Variants in DNAH1 observed in about 807,000 individuals in gnomAD.
DNAH1 encodes the protein axonemal beta dynein heavy chain 1.
In DNAH1, 327 loss-of-function variants were observed where a neutral mutation model predicts 484.3. The observed-to-expected ratio is 0.68, with a 90% CI of 0.62 to 0.74. The LOEUF is 0.74. Ranked by LOEUF, DNAH1 falls within the 30% of genes least tolerant of loss-of-function variation. The pLI, the probability that DNAH1 is intolerant of heterozygous loss-of-function variation, is 0.00. For synonymous variants in DNAH1, 2,192 were observed against 2,191.9 expected, an observed-to-expected ratio of 1.00 and a Z score of 0.00; for missense variants, 5,052 against 5,546.8, an observed-to-expected ratio of 0.91 and a Z score of 2.83.
intron 5 of DNAH1, 138 bp downstream of exon 5, chr3:52,327,029 T>G: frequency 8.3e-7 from 1 of 1,200,022 alleles, no homozygotes; most frequent in Non-Finnish European, 1.1e-6. Context: ...AGGTCAACAA[T>G]AGGAACCCAT....
At position 52,332,108 on chromosome 3, in the gene DNAH1, G is replaced by A. The variant is rs539785816; in HGVS notation, c.1034-34G>A. 4.0e-5 allele frequency: 61 copies of A among 1,539,124 alleles called. 2 individuals are homozygous for A. In the South Asian group the frequency reaches 6.8e-4, roughly 17 times the overall value. ...GTGTTTCAGCCCAGAAAGCCTGATT[G>A]TGTGTCCCCTTCTCCCTCTCACCCG... On this transcript the variant is annotated intron_variant, in intron 7 of 77. Transcript: ENST00000420323.
intron 36 of DNAH1, 143 bp downstream of exon 36, chr3:52,367,030 T>TATTCTCCATA (rs1703111791): frequency 2.0e-6 from 2 of 1,023,912 alleles, no homozygotes; most frequent in Non-Finnish European, 1.4e-6. Flanking sequence ...TCCATTCTAC[T>TATTCTCCATA]TCCTCGCTGA....
Position 52,368,909 on chromosome 3 carries a change from G to A in DNAH1, c.5934G>A (p.Lys1978=), listed in dbSNP as rs754402167. The change falls in exon 37 of 78, where the codon AAG becomes AAA. Residue 1978 remains lysine, a synonymous_variant. Coordinates refer to ENST00000420323, the MANE Select transcript of DNAH1 (RefSeq NM_015512.5). This position sits in a 1 kb window ranked among gnomAD's most constrained non-coding sequence, Gnocchi z 4.4. The stretch of plus-strand genomic sequence containing the variant: ...GCCTCAGCTCTGGGGAGATCATCAA[G>A]CTCACAGAGGTGCACCTACCTGTCC... ...KLCLSSGEII[K]LTEAMTMMFE... is the part of the protein sequence containing the mutation. 6.2e-7 allele frequency: 1 copy of A among 1,613,434 alleles called. No homozygotes were observed. The highest frequency in any genetic ancestry group is 2.2e-5 in the East Asian group (1 of 44,856).
chr3:52,350,956 C>G (rs1350370225), intron 16 of DNAH1, among the ~76,000 whole-genome samples: 1 of 152,224 alleles, frequency 6.6e-6, no homozygotes, highest in Non-Finnish European at 1.5e-5. Flanking sequence ...TCAAGTGATT[C>G]TCCCTGCCTC....
intron 41 of DNAH1, among the ~76,000 whole-genome samples, chr3:52,371,234 CAGCT>C (rs1287668887): frequency 5.3e-5 from 8 of 152,250 alleles, no homozygotes; most frequent in Non-Finnish European, 1.5e-5. Context: ...TCGCTACTAT[CAGCT>C]AGCAAGGGCT....
intron 3 of DNAH1, among the ~76,000 whole-genome samples, chr3:52,324,679 C>T (rs1487347370): frequency 6.6e-6 from 1 of 152,188 alleles, no homozygotes; most frequent in Non-Finnish European, 1.5e-5. Context: ...GCGCACTTAT[C>T]TGAGGGTCTG....
intron 65 of DNAH1, 87 bp from the exon 66 acceptor site, chr3:52,393,247 C>T: frequency 1.9e-6 from 3 of 1,582,982 alleles, no homozygotes; most frequent in Non-Finnish European, 1.7e-6. Context: ...CCTACGGCTG[C>T]TGGGGAGACT....
intron 73 of DNAH1, among the ~76,000 whole-genome samples, chr3:52,397,257 G>C (rs903191383): frequency 9.2e-5 from 14 of 152,136 alleles, no homozygotes; most frequent in African/African-American, 3.1e-4. Flanking sequence ...TGAACTCCTG[G>C]TCAGCCACTC....
chr3:52,397,011 C>T lies in DNAH1; in HGVS notation c.11754C>T (p.Ile3918=), dbSNP rs771334165. 42 of 1,610,196 alleles carry T rather than the reference C, an allele frequency of 2.6e-5. No individual in the cohort carries two copies. Among genetic ancestry groups the T allele is most frequent in the Non-Finnish European group, 3.6e-5 (42 of 1,178,370 alleles). The change falls in exon 73 of 78, where the codon ATC becomes ATT. Residue 3918 remains isoleucine (I), a synonymous_variant. Coordinates refer to ENST00000420323, the MANE Select transcript of DNAH1 (RefSeq NM_015512.5). ...AGCACAGCTACAGCGCCTCGGGCAT[C>T]TACCACCAGATCCCGCCTACCTACG... ...SPEHSYSASG[I]YHQIPPTYDL... is the part of the protein sequence containing the mutation.
In DNAH1 at chr3:52,392,506, G is replaced by A. The variant is rs754341070; in HGVS notation, c.10095G>A (p.Glu3365=). The change falls in exon 64 of 78, where the codon GAG becomes GAA. Residue 3365 remains glutamate (E), a synonymous_variant. Transcript: ENST00000420323. The part of the protein sequence containing the change: ...DQLLGQVVAE[E]RPDLEEAKNQ... ...TACTGGGCCAGGTAGTGGCAGAGGA[G>A]CGACCCGACCTGGAGGAGGCCAAGA... 1 of 1,613,882 alleles carries A rather than the reference G, an allele frequency of 6.2e-7. No homozygotes were observed. The highest frequency in any genetic ancestry group is 2.2e-5 in the East Asian group (1 of 44,888).
At chr3:52,373,827 C>G (rs1371843324) in intron 44 of DNAH1, 5 of 1,415,122 alleles carry the variant, frequency 3.5e-6, no homozygotes, top group Non-Finnish European at 5.0e-6. Flanking sequence ...GATCACAGAG[C>G]CTGTTTACCC....
chr3:52,397,663 G>A (rs995549989), intron 73 of DNAH1, 44 bp from the exon 74 acceptor site: 3 of 1,537,460 alleles, frequency 2.0e-6, no homozygotes, highest in Non-Finnish European at 2.6e-6. Flanking sequence ...GAGGGCTGGG[G>A]CAGAGCAAGC....
rs1389992452 is a variant in DNAH1 at position 52,353,595 on chromosome 3, G to A, written c.3442G>A (p.Val1148Met). The A allele has an allele frequency of 7.5e-6, 12 of 1,608,222 alleles. No individual in the cohort carries two copies. Among genetic ancestry groups the A allele is most frequent in the Non-Finnish European group, 1.0e-5 (12 of 1,177,538 alleles). The stretch of plus-strand genomic sequence containing the variant: ...GGACCATATCGAGAGCATCAGCAAG[G>A]TGGCTGAGGTGGCTGGCAAGGAGTA... ...LQDHIESISK[V>M]AEVAGKEYAI... The change falls in exon 20 of 78, where the codon GTG becomes ATG. Residue 1148 changes from valine to methionine, a missense_variant. Transcript: ENST00000420323. This position sits in a 1 kb window ranked among gnomAD's most constrained non-coding sequence, Gnocchi z 5.0.
chr3:52,348,934 C>T lies in DNAH1; in HGVS notation c.2153C>T (p.Ser718Phe). The part of the protein sequence containing the change: ...IFISGDPLLE[S>F]VGLHEPLVEE... Reference sequence around the variant, plus strand: ...ATCAGCGGTGACCCCCTGCTGGAGTCCGTGGGCCTTCATGAGCCACTGGTG... The same window carrying T: ...ATCAGCGGTGACCCCCTGCTGGAGTTCGTGGGCCTTCATGAGCCACTGGTG... Residue 718 changes from serine (S) to phenylalanine (F), a missense_variant, in exon 13 of 78, where the codon TCC becomes TTC. Physicochemically the swap from Ser to Phe is radical, Grantham distance 155. Transcript: ENST00000420323. The T allele has an allele frequency of 1.9e-6, 3 of 1,613,476 alleles. No homozygotes were observed. The highest frequency in any genetic ancestry group is 2.5e-6 in the Non-Finnish European group (3 of 1,179,880).
At chr3:52,326,397 G>A in intron 4 of DNAH1, 83 bp downstream of exon 4, 2 of 1,468,756 alleles carry the variant, frequency 1.4e-6, no homozygotes, top group Non-Finnish European at 1.8e-6. Flanking sequence ...AGATCACCAG[G>A]TGATAATCCT....
chr3:52,313,662 C>A (rs982520042), upstream of DNAH1, among the ~76,000 whole-genome samples: 4 of 152,174 alleles, frequency 2.6e-5, no homozygotes, highest in Non-Finnish European at 5.9e-5. Flanking sequence ...AGGAGGGCTG[C>A]CCCACCTCTT....
At chr3:52,378,543 G>T in intron 46 of DNAH1, 59 bp from the exon 47 acceptor site, 1 of 1,570,590 alleles carries the variant, frequency 6.4e-7, no homozygotes, top group Non-Finnish European at 8.7e-7. Flanking sequence ...GTCAGGACCT[G>T]CAGAGGCGGC....
At chr3:52,314,255 C>T (rs901104285), upstream of DNAH1, among the ~76,000 whole-genome samples, 7 of 152,198 alleles carry the variant, frequency 4.6e-5, no homozygotes, top group African/African-American at 1.7e-4. Flanking sequence ...CTCCTGGAGC[C>T]CCCCTGGGAA....
chr3:52,393,048 C>T, intron 65 of DNAH1, 23 bp downstream of exon 65: 2 of 1,609,140 alleles, frequency 1.2e-6, no homozygotes, highest in South Asian at 2.2e-5. Context: ...TGCCAGGCTC[C>T]TACCCTGCAC....
Sources: allele counts gnomAD v4.1 joint callset (sites outside exome capture counted in the v4.1 genomes callset), GRCh38; gene constraint gnomAD v4.1.1; non-coding constraint Gnocchi (gnomAD v3.1); transcripts MANE v1.5; gene names NCBI Gene and HGNC (gene_info 2026-07-23, HGNC 2026-07-21).